The following TAF3 variants were observed in gnomAD, a reference collection of about 807,000 sequenced individuals.
The protein encoded by TAF3 is TATA-box binding protein associated factor 3.
In TAF3, 7 loss-of-function variants were observed where a neutral mutation model predicts 80.6. The observed-to-expected ratio is 0.09, with a 90% CI of 0.05 to 0.16. The LOEUF (loss-of-function observed/expected upper bound fraction) is 0.16. TAF3 is among the 10% of genes least tolerant of loss of function. The probability of loss-of-function intolerance (pLI) is 1.00; values close to 1 mark genes in which losing one functional copy is unlikely to be tolerated. For synonymous variants in TAF3, 444 were observed against 446.1 expected (o/e 1.00, Z 0.06); for missense variants, 921 against 1,140.2 (o/e 0.81, Z 2.77).
At chr10:7,935,541 G>A (rs1456811193) in intron 2 of TAF3, among the ~76,000 whole-genome samples, 2 of 152,132 alleles carry the variant, frequency 1.3e-5, no homozygotes, top group Non-Finnish European at 2.9e-5. Context: ...CCGAGATCGC[G>A]CCACTGCACT....
chr10:8,013,687 T>C (rs765395048), intron 5 of TAF3, 44 bp from the exon 6 acceptor site: 13 of 1,554,798 alleles, frequency 8.4e-6, no homozygotes, highest in South Asian at 1.1e-5. Context: ...TTGTTTTTTT[T>C]CCCATTCCCT....
rs1362528222 is a variant in TAF3, at chr10:7,972,166, G to A, written c.2233-5075G>A. On this transcript the variant is annotated intron_variant, in intron 3 of 6. Transcript: ENST00000344293. ...TAGTCATGTTGTCTAAGTGATTGAA[G>A]TCATCCTTTTGTTTGTTGTTTTTGG... Among the ~76,000 whole-genome samples the A allele has an allele frequency of 2.0e-5, 3 of 152,178 alleles. No homozygotes were observed. In the East Asian group the frequency reaches 5.8e-4, roughly 29 times the overall value.
At position 7,977,311 on chromosome 10, in the gene TAF3, G is replaced by A; in HGVS notation, c.2303G>A (p.Gly768Asp). The A allele has an allele frequency of 6.2e-7, 1 of 1,614,124 alleles. No homozygotes were observed. Among genetic ancestry groups the A allele is most frequent in the Non-Finnish European group, 8.5e-7 (1 of 1,180,012 alleles). Residue 768 changes from glycine to aspartate, a missense_variant, in exon 4 of 7, where the codon GGC becomes GAC. Physicochemically the swap from Gly to Asp is moderately conservative, Grantham distance 94. Transcript: ENST00000344293. ...IPRLTLRVGA[G>D]QDKIVISKVV... ...AGATTAACTCTCCGAGTCGGTGCTG[G>A]CCAAGACAAGATGTAAGTATAAACG... is the stretch of plus-strand genomic sequence containing the variant.
chr10:7,870,219 C>G (rs1438910986), intron 2 of TAF3, among the ~76,000 whole-genome samples: 1 of 152,168 alleles, frequency 6.6e-6, no homozygotes, highest in Admixed American at 6.5e-5. Context: ...ACTCTGATCC[C>G]AAGTCCATCA....
chr10:7,975,091 AAG>A, intron 3 of TAF3: 1 of 302,480 alleles, frequency 3.3e-6, no homozygotes, highest in Middle Eastern at 4.1e-4. Context: ...AAAAAAAAAA[AAG>A]AGTGAGATGA....
chr10:7,883,069 T>C (rs904638460), intron 2 of TAF3, among the ~76,000 whole-genome samples: 1 of 152,204 alleles, frequency 6.6e-6, no homozygotes, highest in East Asian at 1.9e-4. Context: ...GAAATTAACA[T>C]TGATACAATA....
At chr10:7,923,108 T>C (rs1837780267) in intron 2 of TAF3, among the ~76,000 whole-genome samples, 1 of 152,112 alleles carries the variant, frequency 6.6e-6, no homozygotes, top group Admixed American at 6.5e-5. Context: ...TAAGCAACTG[T>C]ATTTACATTC....
chr10:7,951,974 G>A (rs1588563592), intron 2 of TAF3, among the ~76,000 whole-genome samples: 1 of 152,102 alleles, frequency 6.6e-6, no homozygotes, highest in African/African-American at 2.4e-5. Flanking sequence ...CCTGGGGTGG[G>A]GAAAGGAATT....
chr10:7,968,701 G>A (rs751371145), intron 3 of TAF3, among the ~76,000 whole-genome samples: 7 of 152,128 alleles, frequency 4.6e-5, no homozygotes, highest in Non-Finnish European at 1.0e-4. Context: ...GAGATTAGTA[G>A]ACTTGCCCAA....
intron 2 of TAF3, among the ~76,000 whole-genome samples, chr10:7,961,709 C>T (rs956648878): frequency 3.3e-5 from 5 of 152,112 alleles, no homozygotes; most frequent in African/African-American, 9.7e-5. Flanking sequence ...TTTCAGCTGC[C>T]GAGTAGGCAT....
At chr10:8,000,873 A>G (rs914265889) in intron 4 of TAF3, among the ~76,000 whole-genome samples, 1 of 152,220 alleles carries the variant, frequency 6.6e-6, no homozygotes, top group Non-Finnish European at 1.5e-5. Flanking sequence ...TTTTCTAAGT[A>G]TACACTCATA....
intron 2 of TAF3, among the ~76,000 whole-genome samples, chr10:7,905,744 G>A (rs1394256623): frequency 2.6e-5 from 4 of 152,074 alleles, no homozygotes; most frequent in African/African-American, 9.7e-5. Context: ...TTAGTCGGGC[G>A]TGGTGGCAGG....
chr10:7,929,594 A>G (rs1272882777), intron 2 of TAF3, among the ~76,000 whole-genome samples: 1 of 151,840 alleles, frequency 6.6e-6, no homozygotes, highest in Non-Finnish European at 1.5e-5. Flanking sequence ...AAACTCCTGG[A>G]CTCAAGTGAC....
At chr10:7,981,364 T>C (rs1410517328) in intron 4 of TAF3, among the ~76,000 whole-genome samples, 1 of 152,142 alleles carries the variant, frequency 6.6e-6, no homozygotes, top group African/African-American at 2.4e-5. Context: ...CACTCCTGCC[T>C]TTATCAGCAA....
At chr10:7,844,806 C>T (rs1211096332) in intron 2 of TAF3, among the ~76,000 whole-genome samples, 5 of 151,880 alleles carry the variant, frequency 3.3e-5, no homozygotes, top group African/African-American at 4.8e-5. Context: ...TTTTTTTTAA[C>T]GTATCATTTG....
rs1836891343 is a variant in TAF3, at chr10:7,839,761, G to A, written c.409+15201G>A. Among the ~76,000 whole-genome samples the A allele has an allele frequency of 2.6e-5, 4 of 151,632 alleles. No homozygotes were observed. In the South Asian group the frequency reaches 8.3e-4, roughly 32 times the overall value. ...CAGGTTACTTTTTCTGCTTATTCTTGTTATCCTCAGGAATGATTTTTTACT... is the reference window on the plus strand; with the variant it reads ...CAGGTTACTTTTTCTGCTTATTCTTATTATCCTCAGGAATGATTTTTTACT... On this transcript the variant is annotated intron_variant, in intron 2 of 6. Transcript: ENST00000344293.
chr10:7,843,719 T>C (rs1466209260), intron 2 of TAF3, among the ~76,000 whole-genome samples: 8 of 151,994 alleles, frequency 5.3e-5, no homozygotes, highest in African/African-American at 2.4e-5. Flanking sequence ...TTTGTGCTTA[T>C]GTCACACATA....
chr10:7,955,491 CAT>C (rs1838126258), intron 2 of TAF3, among the ~76,000 whole-genome samples: 1 of 152,168 alleles, frequency 6.6e-6, no homozygotes, highest in South Asian at 2.1e-4. Context: ...AGAATACAAG[CAT>C]ATTTTCTGCT....
chr10:7,917,635 A>T (rs1837723688), intron 2 of TAF3, among the ~76,000 whole-genome samples: 1 of 152,192 alleles, frequency 6.6e-6, no homozygotes, highest in African/African-American at 2.4e-5. Flanking sequence ...TCTCTGGAGA[A>T]TAGGTCGGGT....
Sources: allele counts gnomAD v4.1 joint callset (sites outside exome capture counted in the v4.1 genomes callset), GRCh38; gene constraint gnomAD v4.1.1; transcripts MANE v1.5; gene names NCBI Gene and HGNC (gene_info 2026-07-23, HGNC 2026-07-21).